The following SBNO2 variants were observed in gnomAD, a reference collection of about 807,000 sequenced individuals.
SBNO2 encodes strawberry notch homolog 2, also known as protein strawberry notch homolog 2.
A neutral mutation model predicts 146.3 loss-of-function variants in SBNO2; 89 were observed. That is an observed-to-expected ratio of 0.61 (90% confidence interval 0.51 to 0.73). SBNO2 has a LOEUF of 0.73. Among genes scored for constraint, SBNO2 ranks in the 30% least tolerant of loss-of-function variants. SBNO2 has a pLI of 0.00. For synonymous variants in SBNO2, 1,147 were observed against 892.6 expected (o/e 1.29, Z -5.08); for missense variants, 2,092 against 2,003.7 (o/e 1.04, Z -0.84).
intron 16 of SBNO2, 44 bp from the exon 17 acceptor site, chr19:1,116,147 G>A (rs748165038): frequency 1.3e-6 from 2 of 1,561,666 alleles, no homozygotes; most frequent in Non-Finnish European, 1.7e-6. Context: ...AGGAGCTGAG[G>A]CCAGGCGGGG....
rs554006179 is a variant in SBNO2 at position 1,127,714 on chromosome 19, C to T, written c.331G>A (p.Val111Met). The T allele has an allele frequency of 3.3e-4, 538 of 1,613,518 alleles. 7 individuals are homozygous for T. In the South Asian group the frequency reaches 5.4e-3, roughly 16 times the overall value. ...TCCACGATGTCCGACAGGGAGTCCA[C>T]GGACGAGGAGAAGATGGAGATGTTG... Reference protein sequence around the residue: ...FSNISIFSSSVDSLSDIVDTP... With the variant: ...FSNISIFSSSMDSLSDIVDTP... The change falls in exon 5 of 32, where the codon GTG (valine) becomes ATG (methionine). Residue 111 changes from valine to methionine, a missense_variant. Physicochemically the swap from Val to Met is conservative, Grantham distance 21 (BLOSUM62 1). Coordinates refer to ENST00000361757, the MANE Select transcript of SBNO2 (RefSeq NM_014963.3).
intron 4 of SBNO2, among the ~76,000 whole-genome samples, chr19:1,139,986 AAAAG>A (rs1160754270): frequency 1.3e-5 from 2 of 150,206 alleles, no homozygotes; most frequent in East Asian, 2.0e-4. Flanking sequence ...ACAGAGACAG[AAAAG>A]AAAGAAAGAA....
In SBNO2 at chr19:1,109,539, C is replaced by T. The variant is rs375608296; in HGVS notation, c.3183G>A (p.Thr1061=). 9.4e-6 allele frequency: 15 copies of T among 1,601,278 alleles called. No homozygotes were observed. The highest frequency in any genetic ancestry group is 1.7e-4 in the Middle Eastern group (1 of 6,046). The change falls in exon 28 of 32, where the codon ACG becomes ACA. Residue 1061 remains threonine, a synonymous_variant. Coordinates refer to ENST00000361757, the MANE Select transcript of SBNO2 (RefSeq NM_014963.3). This position sits in a 1 kb window ranked among gnomAD's most constrained non-coding sequence, Gnocchi z 4.2. The stretch of plus-strand genomic sequence containing the variant: ...AGAGGTAGAAGCCGTCATAGGGGCC[C>T]GTCAGCGCCAGCGACTTGGCAAAGG... ...EDAFAKSLAL[T]GPYDGFYLSY...
intron 17 of SBNO2, among the ~76,000 whole-genome samples, chr19:1,114,868 C>T (rs978015306): frequency 1.3e-5 from 2 of 151,648 alleles, no homozygotes; most frequent in Non-Finnish European, 1.5e-5. Context: ...CTCCTGACCT[C>T]GTGATCCACC....
At chr19:1,111,861 G>A in intron 23 of SBNO2, 135 bp downstream of exon 23, 1 of 919,266 alleles carries the variant, frequency 1.1e-6, no homozygotes, top group Non-Finnish European at 1.6e-6. Context: ...GGGGGTCCTA[G>A]ACCCGGCCCT....
rs979845147 is a variant in SBNO2 at position 1,159,625 on chromosome 19, G to A, written c.-126-5223C>T. The stretch of plus-strand genomic sequence containing the variant: ...AGCAGGGGACAGTGGGGGGCAGTGG[G>A]GGGACAGCGGGGGATGGTGGGGGGA... On this transcript the variant is annotated intron_variant, in intron 1 of 31. Coordinates refer to ENST00000361757, the MANE Select transcript of SBNO2 (RefSeq NM_014963.3). Among the ~76,000 whole-genome samples, 42 of 50,596 alleles carry A rather than the reference G, an allele frequency of 8.3e-4. 1 individual carries two copies. The highest frequency in any genetic ancestry group is 3.5e-3 in the African/African-American group (39 of 11,044). The allele number at this position is 50,596 out of a possible 152,430, so 33.2% of individuals were successfully genotyped here.
intron 5 of SBNO2, among the ~76,000 whole-genome samples, chr19:1,125,765 G>A (rs944151029): frequency 4.6e-5 from 7 of 152,212 alleles, no homozygotes; most frequent in South Asian, 4.1e-4. Context: ...GAGGCAGAAC[G>A]GGCGAGATCT....
intron 16 of SBNO2, 42 bp downstream of exon 16, chr19:1,116,787 A>C: frequency 6.7e-7 from 1 of 1,503,414 alleles, no homozygotes; most frequent in Non-Finnish European, 9.0e-7. Flanking sequence ...GGTGGCCATG[A>C]GCGCAGGAAG....
intron 1 of SBNO2, among the ~76,000 whole-genome samples, chr19:1,168,384 G>A (rs1204123180): frequency 2.6e-5 from 4 of 151,992 alleles, no homozygotes; most frequent in East Asian, 1.9e-4. Flanking sequence ...GGGCCCCAGC[G>A]CCCAGCTGAG....
At chr19:1,133,721 C>G (rs1214055377) in intron 4 of SBNO2, among the ~76,000 whole-genome samples, 1 of 151,816 alleles carries the variant, frequency 6.6e-6, no homozygotes, top group African/African-American at 2.4e-5. Context: ...ACAGCCACCG[C>G]TCAACCTAGC....
intron 4 of SBNO2, among the ~76,000 whole-genome samples, chr19:1,133,601 C>G (rs1257461681): frequency 6.6e-6 from 1 of 152,220 alleles, no homozygotes; most frequent in Admixed American, 6.5e-5. Context: ...GGCGACAACA[C>G]GGGTCCGTGC....
Position 1,173,366 on chromosome 19 carries a change from C to A in SBNO2, c.-127+806G>T, listed in dbSNP as rs958954245. ...GCGACCCGCACTCCCACCCCCAACA[C>A]GCTCTGCAGACTCCGCCCAGACGGC... is the stretch of plus-strand genomic sequence containing the variant. On this transcript the variant is annotated intron_variant, in intron 1 of 31. Coordinates refer to ENST00000361757, the MANE Select transcript of SBNO2 (RefSeq NM_014963.3). This position sits in a 1 kb window ranked among gnomAD's most constrained non-coding sequence, Gnocchi z 4.7. 1.3e-5 allele frequency among the ~76,000 whole-genome samples: 2 copies of A among 152,252 alleles called. No individual in the cohort carries two copies. The highest frequency in any genetic ancestry group is 2.9e-5 in the Non-Finnish European group (2 of 68,046).
chr19:1,157,199 G>A lies in SBNO2; in HGVS notation c.-126-2797C>T, dbSNP rs981838503. 4.6e-5 allele frequency among the ~76,000 whole-genome samples: 7 copies of A among 152,144 alleles called. No homozygotes were observed. Among genetic ancestry groups the A allele is most frequent in the East Asian group, 1.9e-4 (1 of 5,152 alleles). ...GGACCCTTCCCCCATTGACTCCGCC[G>A]CCGTTTCTTGCAGCAGCTGTGACCA... On this transcript the variant is annotated intron_variant, in intron 1 of 31. Coordinates refer to ENST00000361757, the MANE Select transcript of SBNO2 (RefSeq NM_014963.3). This position sits in a 1 kb window ranked among gnomAD's most constrained non-coding sequence, Gnocchi z 6.8.
At chr19:1,139,646 T>C (rs2080117098) in intron 4 of SBNO2, among the ~76,000 whole-genome samples, 1 of 151,736 alleles carries the variant, frequency 6.6e-6, no homozygotes, top group Non-Finnish European at 1.5e-5. Context: ...AATACAAAAA[T>C]CAGCTGGGCG....
At position 1,119,972 on chromosome 19, in the gene SBNO2, C is replaced by A; in HGVS notation, c.1201G>T (p.Gly401Cys). 1 of 1,551,368 alleles carries A rather than the reference C, an allele frequency of 6.4e-7. No homozygotes were observed. The highest frequency in any genetic ancestry group is 8.7e-7 in the Non-Finnish European group (1 of 1,147,294). Reference sequence around the variant, plus strand: ...TTCTGCAGGTCTAGCACAGCCTTGCCCATCTTGGTGGAGCCGGCATTCTTG... The same window carrying A: ...TTCTGCAGGTCTAGCACAGCCTTGCACATCTTGGTGGAGCCGGCATTCTTG... ...KAKNAGSTKM[G>C]KAVLDLQNKL... Residue 401 changes from glycine to cysteine, a missense_variant, in exon 12 of 32, where the codon GGC (glycine) becomes TGC (cysteine). Coordinates refer to ENST00000361757, the MANE Select transcript of SBNO2 (RefSeq NM_014963.3).
In SBNO2 at chr19:1,108,929, G is replaced by A. The variant is rs768274415; in HGVS notation, c.3466C>T (p.Leu1156=). 50 of 1,572,080 alleles carry A rather than the reference G, an allele frequency of 3.2e-5. No homozygotes were observed. The highest frequency in any genetic ancestry group is 4.0e-5 in the Non-Finnish European group (47 of 1,166,870). ...CRLAQEGKDC[L]QGLRLRHHYM... The stretch of plus-strand genomic sequence containing the variant: ...TGGTGCCGCAGCCGCAGCCCCTGCA[G>A]GCAGTCCTTACCCTCCTGCGCCAGC... Residue 1156 remains leucine (L), a synonymous_variant, in exon 31 of 32, where the codon CTG becomes TTG. Coordinates refer to ENST00000361757, the MANE Select transcript of SBNO2 (RefSeq NM_014963.3).
chr19:1,158,294 A>G lies in SBNO2; in HGVS notation c.-126-3892T>C, dbSNP rs113789460. 5.8e-3 allele frequency among the ~76,000 whole-genome samples: 885 copies of G among 152,194 alleles called. 14 individuals are homozygous for G. Among genetic ancestry groups the G allele is most frequent in the African/African-American group, 0.021 (853 of 41,518 alleles). ...TGCAGATGGGGAGCTGTGTCCTCGG[A>G]GCCCGGTTCTCCTGCCGTCCTCTCG... is the stretch of plus-strand genomic sequence containing the variant. On this transcript the variant is annotated intron_variant, in intron 1 of 31. Transcript: ENST00000361757. The surrounding 1 kb of genome is among the most constrained non-coding windows in gnomAD (Gnocchi z 9.9).
At chr19:1,130,815 A>C (rs2080019855) in intron 4 of SBNO2, among the ~76,000 whole-genome samples, 1 of 152,182 alleles carries the variant, frequency 6.6e-6, no homozygotes, top group Admixed American at 6.5e-5. Flanking sequence ...TAAAAGTGAA[A>C]GTCTAATAAT....
intron 1 of SBNO2, among the ~76,000 whole-genome samples, chr19:1,172,538 G>A (rs1402045585): frequency 2.0e-5 from 3 of 152,278 alleles, no homozygotes; most frequent in African/African-American, 7.2e-5. Flanking sequence ...TTCCAGGGCC[G>A]AGTCAGGGAG....
Sources: allele counts gnomAD v4.1 joint callset (sites outside exome capture counted in the v4.1 genomes callset), GRCh38; gene constraint gnomAD v4.1.1; non-coding constraint Gnocchi (gnomAD v3.1); transcripts MANE v1.5; gene names NCBI Gene and HGNC (gene_info 2026-07-23, HGNC 2026-07-21).